KIAA0825: variants seen among roughly 807,000 people sequenced by gnomAD.
The protein encoded by KIAA0825 is uncharacterized protein KIAA0825.
In KIAA0825, 119 loss-of-function variants were observed where a neutral mutation model predicts 147.6. The observed-to-expected ratio is 0.81, with a 90% CI of 0.69 to 0.94. KIAA0825 has a LOEUF of 0.94. KIAA0825 is among the 40% of genes least tolerant of loss of function. The pLI, the probability that KIAA0825 is intolerant of heterozygous loss-of-function variation, is 0.00. For missense variants in KIAA0825, 1,381 were observed against 1,472.7 expected (o/e 0.94, Z 1.02); for synonymous variants, 470 against 518.1 (o/e 0.91, Z 1.26).
intron 7 of KIAA0825, among the ~76,000 whole-genome samples, chr5:94,474,476 G>T (rs991130862): frequency 5.9e-5 from 9 of 152,018 alleles, no homozygotes; most frequent in Admixed American, 1.3e-4. Context: ...GATCTCAGGG[G>T]TTTTTTTGCT....
chr5:94,168,359 C>A (rs537881259), intron 20 of KIAA0825, among the ~76,000 whole-genome samples: 6 of 152,224 alleles, frequency 3.9e-5, no homozygotes, highest in African/African-American at 1.4e-4. Context: ...AGCAACAAAA[C>A]CCTTAATCTG....
intron 20 of KIAA0825, among the ~76,000 whole-genome samples, chr5:94,164,543 C>A (rs1767864320): frequency 6.6e-6 from 1 of 151,882 alleles, no homozygotes. Context: ...TCCTGAGTAG[C>A]TGGGACTACA....
intron 20 of KIAA0825, among the ~76,000 whole-genome samples, chr5:94,177,909 G>A (rs535577694): frequency 2.0e-5 from 3 of 152,152 alleles, no homozygotes; most frequent in South Asian, 2.1e-4. Flanking sequence ...CTTATGGAAC[G>A]TATACCAGTG....
chr5:94,174,964 T>C (rs1197536826), intron 20 of KIAA0825, among the ~76,000 whole-genome samples: 2 of 152,150 alleles, frequency 1.3e-5, no homozygotes, highest in Non-Finnish European at 1.5e-5. Flanking sequence ...GATGAACACA[T>C]CATTGGTATG....
At chr5:94,489,135 C>A (rs1468720400) in intron 5 of KIAA0825, among the ~76,000 whole-genome samples, 3 of 152,296 alleles carry the variant, frequency 2.0e-5, no homozygotes, top group African/African-American at 7.2e-5. Context: ...CTGCTTCTAA[C>A]ATTATCATAG....
At chr5:94,203,595 C>G (rs1771889318) in intron 20 of KIAA0825, among the ~76,000 whole-genome samples, 1 of 151,868 alleles carries the variant, frequency 6.6e-6, no homozygotes, top group South Asian at 2.1e-4. Flanking sequence ...GGGTGAGGGA[C>G]CAGATGTTTA....
At chr5:94,159,195 C>T (rs946055566) in intron 20 of KIAA0825, among the ~76,000 whole-genome samples, 1 of 152,024 alleles carries the variant, frequency 6.6e-6, no homozygotes, top group Non-Finnish European at 1.5e-5. Flanking sequence ...CTTGTTTTAT[C>T]GGGATAATAA....
intron 12 of KIAA0825, among the ~76,000 whole-genome samples, chr5:94,459,649 T>C (rs1217316561): frequency 1.3e-5 from 2 of 152,138 alleles, no homozygotes; most frequent in African/African-American, 4.8e-5. Context: ...ATTCCTTGGC[T>C]TAGTGATCTA....
intron 5 of KIAA0825, among the ~76,000 whole-genome samples, chr5:94,488,833 A>G (rs1224009517): frequency 2.6e-5 from 4 of 152,230 alleles, no homozygotes; most frequent in Admixed American, 1.3e-4. Context: ...TCACAAGGCT[A>G]ATTAGTATAT....
intron 20 of KIAA0825, among the ~76,000 whole-genome samples, chr5:94,299,917 A>AT (rs11417963): frequency 0.2 from 30,980 of 151,896 alleles, 3,584 homozygotes; most frequent in Non-Finnish European, 0.25. Context: ...TCTTTCTTAG[A>AT]TTTTTTTATA....
At chr5:94,340,477 T>C (rs906202057) in intron 20 of KIAA0825, among the ~76,000 whole-genome samples, 1 of 152,146 alleles carries the variant, frequency 6.6e-6, no homozygotes, top group African/African-American at 2.4e-5. Context: ...AAGACAAATT[T>C]TGGTTCACAA....
chr5:94,246,341 T>C (rs1185211677), intron 20 of KIAA0825, among the ~76,000 whole-genome samples: 2 of 152,114 alleles, frequency 1.3e-5, no homozygotes, highest in African/African-American at 2.4e-5. Flanking sequence ...AGGAAGTTGA[T>C]GATATAGCTT....
At chr5:94,589,951 T>C (rs1561362131) in intron 1 of KIAA0825, among the ~76,000 whole-genome samples, 1 of 152,132 alleles carries the variant, frequency 6.6e-6, no homozygotes, top group Non-Finnish European at 1.5e-5. Flanking sequence ...TTAGGTTAGA[T>C]TTTCTAGGAA....
chr5:94,375,157 G>A lies in KIAA0825; in HGVS notation c.3710+9211C>T, dbSNP rs139248496. ...AGTGATTCTCCTGCCTCAGCCTCCC[G>A]AGTAGCTGGGACTACAGACACATGC... On this transcript the variant is annotated intron_variant, in intron 20 of 20. Transcript: ENST00000682413. Among the ~76,000 whole-genome samples, 39 of 149,896 alleles carry A rather than the reference G, an allele frequency of 2.6e-4. No homozygotes were observed. In the East Asian group the frequency reaches 6.4e-3, roughly 24 times the overall value.
At chr5:94,559,486 A>C (rs1192951483) in intron 2 of KIAA0825, among the ~76,000 whole-genome samples, 1 of 152,214 alleles carries the variant, frequency 6.6e-6, no homozygotes, top group Non-Finnish European at 1.5e-5. Flanking sequence ...CTAACTAATT[A>C]AATTGTTGTA....
intron 12 of KIAA0825, among the ~76,000 whole-genome samples, chr5:94,453,606 A>C (rs867177694): frequency 6.6e-6 from 1 of 152,110 alleles, no homozygotes; most frequent in Admixed American, 6.6e-5. Context: ...CAGCATAGAC[A>C]TGAAAAACCA....
chr5:94,183,205 C>T (rs1449466930), intron 20 of KIAA0825, among the ~76,000 whole-genome samples: 1 of 152,066 alleles, frequency 6.6e-6, no homozygotes, highest in Non-Finnish European at 1.5e-5. Flanking sequence ...CCTGCTACAC[C>T]AAAAATAATT....
At chr5:94,224,071 CT>C (rs1188680084) in intron 20 of KIAA0825, among the ~76,000 whole-genome samples, 2 of 93,084 alleles carry the variant, frequency 2.1e-5, no homozygotes, top group South Asian at 3.7e-4. Flanking sequence ...TTTTCTCTTT[CT>C]TTTTCTTTTC....
intron 20 of KIAA0825, among the ~76,000 whole-genome samples, chr5:94,156,915 C>T (rs189102153): frequency 3.3e-5 from 5 of 151,964 alleles, no homozygotes; most frequent in East Asian, 1.9e-4. Flanking sequence ...AAGTTCTTAA[C>T]GAAGTTTTTC....
Sources: gnomAD v4.1 joint callset for allele counts (sites outside exome capture counted in the v4.1 genomes callset) on GRCh38, gnomAD v4.1.1 for gene constraint, MANE v1.5 for transcripts, NCBI Gene and HGNC (gene_info 2026-07-23, HGNC 2026-07-21) for gene names.